The following KCNIP4 variants were observed in gnomAD, a reference collection of about 807,000 sequenced individuals.
The protein encoded by KCNIP4 is Kv channel-interacting protein 4.
A neutral mutation model predicts 34.0 loss-of-function variants in KCNIP4; 12 were observed. The ratio of observed to expected loss-of-function variants is 0.35; its 90% CI spans 0.23 to 0.57. The LOEUF is 0.57. KCNIP4 is among the 20% of genes least tolerant of loss of function. KCNIP4 has a pLI of 0.83. For synonymous variants in KCNIP4, 124 were observed against 102.2 expected (o/e 1.21, Z -1.29); for missense variants, 238 against 311.7 (o/e 0.76, Z 1.78).
At chr4:21,343,599 A>G (rs1482216823) in intron 1 of KCNIP4, among the ~76,000 whole-genome samples, 1 of 152,090 alleles carries the variant, frequency 6.6e-6, no homozygotes, top group African/African-American at 2.4e-5. Flanking sequence ...CTTTACCAGG[A>G]TCCATGAGCC....
At chr4:21,311,199 A>G (rs1713118832) in intron 1 of KCNIP4, among the ~76,000 whole-genome samples, 1 of 152,142 alleles carries the variant, frequency 6.6e-6, no homozygotes, top group African/African-American at 2.4e-5. Context: ...AATTATCTTA[A>G]TATGTCCATA....
At chr4:21,434,501 C>T (rs574399989) in intron 1 of KCNIP4, among the ~76,000 whole-genome samples, 1 of 152,050 alleles carries the variant, frequency 6.6e-6, no homozygotes, top group Non-Finnish European at 1.5e-5. Flanking sequence ...ATATAGGACC[C>T]TCTCCCCACC....
At chr4:21,355,313 G>A (rs1469212322) in intron 1 of KCNIP4, among the ~76,000 whole-genome samples, 1 of 152,074 alleles carries the variant, frequency 6.6e-6, no homozygotes, top group African/African-American at 2.4e-5. Flanking sequence ...GAGCAGAACT[G>A]AAGGAAATAG....
chr4:21,520,266 G>A (rs573202103), intron 1 of KCNIP4, among the ~76,000 whole-genome samples: 1 of 151,968 alleles, frequency 6.6e-6, no homozygotes, highest in Non-Finnish European at 1.5e-5. Flanking sequence ...TCCCAATCAA[G>A]TTGACACTCA....
intron 1 of KCNIP4, among the ~76,000 whole-genome samples, chr4:21,193,192 CCT>C (rs1316095367): frequency 6.6e-6 from 1 of 151,854 alleles, no homozygotes; most frequent in African/African-American, 2.4e-5. Context: ...CCTAGGAGGC[CCT>C]ACAAAATGGC....
intron 2 of KCNIP4, among the ~76,000 whole-genome samples, chr4:20,875,842 G>C (rs1723957265): frequency 6.6e-6 from 1 of 152,140 alleles, no homozygotes; most frequent in African/African-American, 2.4e-5. Flanking sequence ...TCTGCCAACA[G>C]AGCATCTAAA....
chr4:20,730,964 A>G (rs1747984500), intron 8 of KCNIP4, among the ~76,000 whole-genome samples: 1 of 152,220 alleles, frequency 6.6e-6, no homozygotes. Context: ...CTGCATGGAA[A>G]TCCAAGTTGA....
chr4:21,819,191 A>C (rs766261311), intron 1 of KCNIP4, among the ~76,000 whole-genome samples: 1 of 152,202 alleles, frequency 6.6e-6, no homozygotes. Context: ...TTGCACTTAG[A>C]ATCAAGTCAA....
chr4:20,976,990 C>T (rs373992806), intron 1 of KCNIP4, among the ~76,000 whole-genome samples: 14 of 152,078 alleles, frequency 9.2e-5, no homozygotes, highest in Admixed American at 2.0e-4. Context: ...TGCACCACCA[C>T]GCCTGGCTAA....
chr4:20,746,297 T>G (rs1057509052), intron 5 of KCNIP4, among the ~76,000 whole-genome samples: 3 of 151,718 alleles, frequency 2.0e-5, no homozygotes, highest in African/African-American at 7.3e-5. Flanking sequence ...TTGCATGTTC[T>G]CACTCATAGC....
rs77949892 is a variant in KCNIP4, at chr4:20,803,371, C to T, written c.289-44481G>A. 1.9e-3 allele frequency among the ~76,000 whole-genome samples: 280 copies of T among 147,168 alleles called. 1 individual carries two copies. The highest frequency in any genetic ancestry group is 6.8e-3 in the African/African-American group (268 of 39,648). ...ACACCTATTATTGCAGTGGGTCATACCTATAATTCTAGTACTTTGGGAGGC... is the reference window on the plus strand; with the variant it reads ...ACACCTATTATTGCAGTGGGTCATATCTATAATTCTAGTACTTTGGGAGGC... On this transcript the variant is annotated intron_variant, in intron 3 of 8. Transcript: ENST00000382152.
At chr4:21,866,584 C>A (rs959608220) in intron 1 of KCNIP4, among the ~76,000 whole-genome samples, 2 of 152,078 alleles carry the variant, frequency 1.3e-5, no homozygotes, top group African/African-American at 4.8e-5. Flanking sequence ...ATACAAGACA[C>A]TAGAAGAGAA....
Position 20,919,702 on chromosome 4 carries a change from C to CAA in KCNIP4, c.62-36995_62-36994dup, listed in dbSNP as rs573617142. Among the ~76,000 whole-genome samples the CAA allele has an allele frequency of 2.4e-3, 137 of 56,714 alleles. 3 individuals carry two copies. The highest frequency in any genetic ancestry group is 8.5e-3 in the East Asian group (17 of 1,992). The allele number at this position is 56,714 out of a possible 152,430, so 37.2% of individuals were successfully genotyped here. ...TGGGCAACAGAGTGAGACTCCGTCTCAAAAAAAAAAAAAAAAAAAAAGATA... is the reference window on the plus strand; with the variant it reads ...TGGGCAACAGAGTGAGACTCCGTCTCAAAAAAAAAAAAAAAAAAAAAAAGATA... On this transcript the variant is annotated intron_variant, in intron 1 of 8. Transcript: ENST00000382152.
intron 1 of KCNIP4, among the ~76,000 whole-genome samples, chr4:21,313,874 A>G (rs1415756390): frequency 1.3e-5 from 2 of 152,210 alleles, no homozygotes; most frequent in African/African-American, 4.8e-5. Context: ...ACTGCTGCAT[A>G]GCACATCATC....
At chr4:21,254,214 G>A (rs778135416) in intron 1 of KCNIP4, among the ~76,000 whole-genome samples, 5 of 152,164 alleles carry the variant, frequency 3.3e-5, no homozygotes, top group African/African-American at 1.2e-4. Context: ...AAAGCAATCT[G>A]TGCTAAGAGT....
Position 21,616,729 on chromosome 4 carries a change from C to T in KCNIP4, c.61+331842G>A, listed in dbSNP as rs148603992. Among the ~76,000 whole-genome samples, 315 of 152,140 alleles carry T rather than the reference C, an allele frequency of 2.1e-3. 1 individual carries two copies. Among genetic ancestry groups the T allele is most frequent in the Non-Finnish European group, 5.1e-4 (35 of 68,004 alleles). The stretch of plus-strand genomic sequence containing the variant: ...TGGGCCTCCATAGTCACATAGTGTT[C>T]CTCTTGTGTGTCTCTGCGTTTCTTC... On this transcript the variant is annotated intron_variant, in intron 1 of 8. Coordinates refer to ENST00000382152, the MANE Select transcript of KCNIP4 (RefSeq NM_025221.6).
At chr4:21,252,487 T>A (rs897653514) in intron 1 of KCNIP4, among the ~76,000 whole-genome samples, 1 of 152,004 alleles carries the variant, frequency 6.6e-6, no homozygotes, top group Non-Finnish European at 1.5e-5. Context: ...ATACCCATTA[T>A]CGTGACAATG....
At chr4:21,224,910 T>C (rs921479280) in intron 1 of KCNIP4, among the ~76,000 whole-genome samples, 4 of 152,052 alleles carry the variant, frequency 2.6e-5, no homozygotes, top group Non-Finnish European at 5.9e-5. Context: ...TTTACGATGA[T>C]GCAAAACCAT....
At chr4:21,306,005 T>C (rs538036604) in intron 1 of KCNIP4, among the ~76,000 whole-genome samples, 16 of 152,348 alleles carry the variant, frequency 1.1e-4, no homozygotes, top group South Asian at 4.1e-4. Flanking sequence ...TAGTCACTAC[T>C]GTGCCTCCAT....
Sources: gnomAD v4.1 joint callset for allele counts (sites outside exome capture counted in the v4.1 genomes callset) on GRCh38, gnomAD v4.1.1 for gene constraint, MANE v1.5 for transcripts, NCBI Gene and HGNC (gene_info 2026-07-23, HGNC 2026-07-21) for gene names.